ASCC1: variants seen among roughly 807,000 people sequenced by gnomAD.
The protein encoded by ASCC1 is activating signal cointegrator 1 complex subunit 1.
A neutral mutation model predicts 46.6 loss-of-function variants in ASCC1; 35 were observed. The observed-to-expected ratio is 0.75, with a 90% CI of 0.57 to 0.99. The LOEUF (loss-of-function observed/expected upper bound fraction) is 0.99, where lower values mean the gene tolerates loss of function less well. Ranked by LOEUF, ASCC1 falls within the 50% of genes least tolerant of loss-of-function variation. The pLI is 0.00. For synonymous variants in ASCC1, 143 were observed against 146.6 expected, an observed-to-expected ratio of 0.98 and a Z score of 0.18; for missense variants, 376 against 428.7, an observed-to-expected ratio of 0.88 and a Z score of 1.09.
chr10:72,209,124 C>T (rs948337862), intron 3 of ASCC1, among the ~76,000 whole-genome samples: 18 of 151,430 alleles, frequency 1.2e-4, no homozygotes, highest in African/African-American at 4.1e-4. Flanking sequence ...GAGATCGCAC[C>T]ACTGCACTGC....
chr10:72,145,428 T>C (rs1387379934), intron 7 of ASCC1, among the ~76,000 whole-genome samples: 2 of 152,344 alleles, frequency 1.3e-5, no homozygotes, highest in East Asian at 3.9e-4. Context: ...GCTCTGCTCT[T>C]CTGTTTGCCT....
At position 72,154,012 on chromosome 10, in the gene ASCC1, C is replaced by T. The variant is rs114537896; in HGVS notation, c.627-1024G>A. ...CTGTGATTACAGGCATGAGCCACTG[C>T]GCTCAGCCTGATATCACATCTTTAC... On this transcript the variant is annotated intron_variant, in intron 6 of 9. Transcript: ENST00000672957. Among the ~76,000 whole-genome samples, 953 of 152,264 alleles carry T rather than the reference C, an allele frequency of 6.3e-3. 6 individuals carry two copies. Among genetic ancestry groups the T allele is most frequent in the African/African-American group, 0.021 (879 of 41,538 alleles).
At chr10:72,100,681 C>CT (rs1841648675) in intron 9 of ASCC1, among the ~76,000 whole-genome samples, 2 of 152,136 alleles carry the variant, frequency 1.3e-5, no homozygotes, top group African/African-American at 4.8e-5. Flanking sequence ...GCATGAGACA[C>CT]TGTGTCCCGC....
intron 9 of ASCC1, 125 bp downstream of exon 9, chr10:72,127,957 T>TA (rs1038350956): frequency 0.018 from 10,803 of 608,568 alleles, 17 homozygotes; most frequent in African/African-American, 0.035. Context: ...TTTAGATAAT[T>TA]AAAAAAAAAA....
At chr10:72,187,454 C>CT (rs1198042762) in intron 5 of ASCC1, among the ~76,000 whole-genome samples, 1 of 151,956 alleles carries the variant, frequency 6.6e-6, no homozygotes, top group African/African-American at 2.4e-5. Context: ...GGCGCGGTGG[C>CT]TCACGCCTGT....
In ASCC1 at chr10:72,171,623, G is replaced by T. The variant is rs777434226; in HGVS notation, c.490-9949C>A. Among the ~76,000 whole-genome samples, 69 of 152,046 alleles carry T rather than the reference G, an allele frequency of 4.5e-4. 1 individual carries two copies. Among genetic ancestry groups the T allele is most frequent in the Non-Finnish European group, 1.2e-4 (8 of 68,000 alleles). ...GTAGACATGGGGTTTCACCATGTTG[G>T]CCAGGCTGATCTCGAACTCCTGACC... On this transcript the variant is annotated intron_variant, in intron 5 of 9. Transcript: ENST00000672957.
chr10:72,120,084 C>G (rs1451816335), intron 9 of ASCC1, among the ~76,000 whole-genome samples: 1 of 151,952 alleles, frequency 6.6e-6, no homozygotes, highest in Non-Finnish European at 1.5e-5. Flanking sequence ...AAAAATTAGC[C>G]AGATATGATG....
At chr10:72,200,101 C>T (rs1856277729) in intron 4 of ASCC1, among the ~76,000 whole-genome samples, 1 of 151,882 alleles carries the variant, frequency 6.6e-6, no homozygotes, top group South Asian at 2.1e-4. Flanking sequence ...GCCTGTCTAC[C>T]CTTTTCTGGA....
chr10:72,153,487 G>A (rs186829206), intron 6 of ASCC1, among the ~76,000 whole-genome samples: 209 of 151,488 alleles, frequency 1.4e-3, no homozygotes, highest in Non-Finnish European at 2.2e-3. Flanking sequence ...GTACAGTGGC[G>A]TGATCTCGGC....
At chr10:72,161,697 A>G (rs1849715388) in intron 5 of ASCC1, 23 bp from the exon 6 acceptor site, 1 of 1,613,908 alleles carries the variant, frequency 6.2e-7, no homozygotes, top group African/African-American at 1.3e-5. Flanking sequence ...AGAGAAAAAC[A>G]AGAAACTCAG....
intron 5 of ASCC1, among the ~76,000 whole-genome samples, chr10:72,170,831 TAAC>T (rs1209022977): frequency 6.6e-6 from 1 of 151,980 alleles, no homozygotes; most frequent in East Asian, 1.9e-4. Flanking sequence ...TTGAGAACTA[TAAC>T]ATTATTATGC....
chr10:72,129,716 G>T (rs1845337615), intron 8 of ASCC1, among the ~76,000 whole-genome samples: 1 of 151,908 alleles, frequency 6.6e-6, no homozygotes, highest in Non-Finnish European at 1.5e-5. Context: ...TGAGGCAAGA[G>T]AATCACCTGA....
rs778054296 is a variant in ASCC1, at chr10:72,133,144, G to C, written c.784C>G (p.Gln262Glu). The C allele has an allele frequency of 6.2e-7, 1 of 1,614,058 alleles. No homozygotes were observed. Among genetic ancestry groups the C allele is most frequent in the South Asian group, 1.1e-5 (1 of 91,076 alleles). ...ELVDRVLERF[Q>E]ASGLIVKEWN... is the part of the protein sequence containing the mutation. ...TCTTTCACTATTAGTCCAGATGCCT[G>C]AAAACGTTCCAGCACTCGATCAACT... Residue 262 changes from glutamine to glutamate, a missense_variant, in exon 8 of 10, where the codon CAG (glutamine) becomes GAG (glutamate). By Grantham distance (29) the Gln-to-Glu change is conservative (BLOSUM62 2). Transcript: ENST00000672957.
In ASCC1 at chr10:72,099,162, T is replaced by C. The variant is rs138369703; in HGVS notation, c.958-1712A>G. On this transcript the variant is annotated intron_variant, in intron 9 of 9. Coordinates refer to ENST00000672957, the MANE Select transcript of ASCC1 (RefSeq NM_001198800.3). Reference sequence around the variant, plus strand: ...TTCTCTTTGTGCCCATGTTTTCAAGTAGTGGGGAGGCCACAGTGAGAAGCT... The same window carrying C: ...TTCTCTTTGTGCCCATGTTTTCAAGCAGTGGGGAGGCCACAGTGAGAAGCT... Among the ~76,000 whole-genome samples, 9 of 152,308 alleles carry C rather than the reference T, an allele frequency of 5.9e-5. No homozygotes were observed. In the East Asian group the frequency reaches 1.7e-3, roughly 29 times the overall value.
At chr10:72,102,361 T>C in intron 9 of ASCC1, 1 of 1,549,762 alleles carries the variant, frequency 6.5e-7, no homozygotes, top group African/African-American at 1.4e-5. Context: ...CCCAAGCCCT[T>C]CTCGATTCTA....
intron 6 of ASCC1, among the ~76,000 whole-genome samples, chr10:72,160,927 C>CA (rs1302241220): frequency 3.3e-5 from 5 of 151,380 alleles, no homozygotes; most frequent in African/African-American, 4.8e-5. Context: ...ACTAAAAATA[C>CA]AAAAAATTAG....
chr10:72,100,121 TTCA>T (rs1185364780), intron 9 of ASCC1, among the ~76,000 whole-genome samples: 1 of 152,214 alleles, frequency 6.6e-6, no homozygotes, highest in African/African-American at 2.4e-5. Flanking sequence ...AGTGCCAATC[TTCA>T]TGTCACCCTT....
intron 5 of ASCC1, among the ~76,000 whole-genome samples, chr10:72,172,922 T>C (rs901357654): frequency 1.5e-5 from 2 of 137,682 alleles, no homozygotes; most frequent in Non-Finnish European, 3.1e-5. Context: ...TTTTATATTA[T>C]ATATTATATA....
At chr10:72,138,454 A>T (rs919093383) in intron 7 of ASCC1, among the ~76,000 whole-genome samples, 2 of 152,192 alleles carry the variant, frequency 1.3e-5, no homozygotes, top group Admixed American at 6.5e-5. Context: ...GAAGGGACTA[A>T]TATCCTTTAA....
Sources: allele counts gnomAD v4.1 joint callset (sites outside exome capture counted in the v4.1 genomes callset), GRCh38; gene constraint gnomAD v4.1.1; transcripts MANE v1.5; gene names NCBI Gene and HGNC (gene_info 2026-07-23, HGNC 2026-07-21).